Variants in MECOM observed in about 807,000 individuals in gnomAD.
MECOM encodes the protein histone-lysine N-methyltransferase MECOM.
In MECOM, 13 loss-of-function variants were observed where a neutral mutation model predicts 116.3. The ratio of observed to expected loss-of-function variants is 0.11; its 90% CI spans 0.07 to 0.18. The LOEUF (loss-of-function observed/expected upper bound fraction) is 0.18. MECOM is among the 10% of genes least tolerant of loss of function. MECOM has a pLI of 1.00. For missense variants in MECOM, 1,299 were observed against 1,509.0 expected (o/e 0.86, Z 2.31); for synonymous variants, 528 against 535.2 (o/e 0.99, Z 0.19).
chr3:169,528,804 C>A (rs913492595), intron 1 of MECOM, among the ~76,000 whole-genome samples: 1 of 152,162 alleles, frequency 6.6e-6, no homozygotes, highest in Non-Finnish European at 1.5e-5. Context: ...TAGAAACAAC[C>A]ACCCTGGAAA....
At chr3:169,444,967 AC>A (rs1744371432) in intron 1 of MECOM, among the ~76,000 whole-genome samples, 3 of 152,162 alleles carry the variant, frequency 2.0e-5, no homozygotes, top group Admixed American at 1.3e-4. Context: ...GGAACTTTGA[AC>A]TTGAGAGAGA....
At chr3:169,215,309 G>A (rs12489144) in intron 2 of MECOM, among the ~76,000 whole-genome samples, 50,336 of 147,892 alleles carry the variant, frequency 0.34, 9,305 homozygotes, top group Middle Eastern at 0.57. Context: ...GTGTAAAACC[G>A]ACCTTGGACA....
At chr3:169,197,339 T>TA (rs1024941887) in intron 2 of MECOM, among the ~76,000 whole-genome samples, 2 of 148,038 alleles carry the variant, frequency 1.4e-5, no homozygotes, top group Non-Finnish European at 3.0e-5. Context: ...AATAAATAAA[T>TA]AAATAAAATA....
chr3:169,566,257 C>A (rs949904279), intron 1 of MECOM, among the ~76,000 whole-genome samples: 2 of 152,098 alleles, frequency 1.3e-5, no homozygotes, highest in African/African-American at 4.8e-5. Flanking sequence ...AACCATATCA[C>A]CTGGGGAAGA....
chr3:169,502,919 C>T (rs1754707724), intron 1 of MECOM, among the ~76,000 whole-genome samples: 1 of 152,010 alleles, frequency 6.6e-6, no homozygotes, highest in African/African-American at 2.4e-5. Flanking sequence ...ACTAACTTTC[C>T]CAAATACTTC....
At chr3:169,108,343 T>C (rs1442916649) in intron 9 of MECOM, among the ~76,000 whole-genome samples, 5 of 152,194 alleles carry the variant, frequency 3.3e-5, no homozygotes, top group Non-Finnish European at 7.4e-5. Context: ...ATAATGTTAA[T>C]AACAAAGAAA....
rs1716994390 is a variant in MECOM, at chr3:169,084,295, CAATAT to C, written c.*609_*613del. On this transcript the variant is annotated 3_prime_UTR_variant, in exon 17 of 17. Transcript: ENST00000651503. Reference sequence around the variant, plus strand: ...TTTGAGTGTTAACATCCATAGTTTACAATATACACATACCCTTTTTCCCTAGTTTT... The same window carrying C: ...TTTGAGTGTTAACATCCATAGTTTACACACATACCCTTTTTCCCTAGTTTT... 4.3e-6 allele frequency: 1 copy of C among 230,738 alleles called. No individual in the cohort carries two copies. Among genetic ancestry groups the C allele is most frequent in the African/African-American group, 2.2e-5 (1 of 45,206 alleles). The allele number at this position is 230,738 out of a possible 1,614,324, so 14.3% of individuals were successfully genotyped here.
At chr3:169,190,921 C>A (rs1747438874) in intron 2 of MECOM, among the ~76,000 whole-genome samples, 1 of 151,870 alleles carries the variant, frequency 6.6e-6, no homozygotes, top group African/African-American at 2.4e-5. Context: ...GTGTATCTAC[C>A]CTTACTAGGT....
At chr3:169,659,731 A>C (rs1220721064) in intron 1 of MECOM, among the ~76,000 whole-genome samples, 1 of 152,066 alleles carries the variant, frequency 6.6e-6, no homozygotes, top group Non-Finnish European at 1.5e-5. Flanking sequence ...GGGCATACAG[A>C]GAGTAAATGC....
chr3:169,477,116 T>C (rs1404296297), intron 1 of MECOM: 6 of 35,296 alleles, frequency 1.7e-4, no homozygotes, highest in East Asian at 2.6e-3. Flanking sequence ...TATATATATA[T>C]ATATATATAT....
chr3:169,556,426 T>C (rs1185516078), intron 1 of MECOM, among the ~76,000 whole-genome samples: 2 of 152,182 alleles, frequency 1.3e-5, no homozygotes, highest in Non-Finnish European at 2.9e-5. Context: ...ACCAAATTTC[T>C]GTAATGAAAT....
chr3:169,296,905 G>A (rs1362812030), intron 2 of MECOM, among the ~76,000 whole-genome samples: 1 of 152,150 alleles, frequency 6.6e-6, no homozygotes, highest in Non-Finnish European at 1.5e-5. Flanking sequence ...GTAAACTATA[G>A]CTTAGAAAAA....
chr3:169,546,738 G>GA (rs147349420), intron 1 of MECOM, among the ~76,000 whole-genome samples: 3 of 151,492 alleles, frequency 2.0e-5, no homozygotes, highest in Admixed American at 6.6e-5. Context: ...AGAAAGGAAG[G>GA]AAAAAAAATA....
chr3:169,412,653 T>G (rs1461333396), intron 1 of MECOM, among the ~76,000 whole-genome samples: 1 of 152,158 alleles, frequency 6.6e-6, no homozygotes, highest in Non-Finnish European at 1.5e-5. Context: ...TTAAAAATAT[T>G]AATTATAATA....
At chr3:169,185,505 T>C (rs1258006013) in intron 2 of MECOM, among the ~76,000 whole-genome samples, 1 of 152,094 alleles carries the variant, frequency 6.6e-6, no homozygotes, top group Admixed American at 6.5e-5. Flanking sequence ...AAAAAGTGAA[T>C]GGAAATTGAG....
intron 1 of MECOM, among the ~76,000 whole-genome samples, chr3:169,568,733 T>C (rs1011200778): frequency 6.6e-6 from 1 of 152,130 alleles, no homozygotes; most frequent in South Asian, 2.1e-4. Context: ...GGGTTTATAG[T>C]TCAACTAAGC....
chr3:169,565,724 CT>C (rs1268996433), intron 1 of MECOM, among the ~76,000 whole-genome samples: 5 of 152,160 alleles, frequency 3.3e-5, no homozygotes, highest in Non-Finnish European at 7.3e-5. Context: ...GCTTGTGTTG[CT>C]TTCATAGATG....
intron 2 of MECOM, among the ~76,000 whole-genome samples, chr3:169,185,107 A>G (rs1171355366): frequency 1.3e-5 from 2 of 152,226 alleles, no homozygotes; most frequent in African/African-American, 4.8e-5. Flanking sequence ...AGGTGGAGAT[A>G]TTAAGCAAGA....
At chr3:169,653,248 A>G (rs11928083) in intron 1 of MECOM, among the ~76,000 whole-genome samples, 44,791 of 152,070 alleles carry the variant, frequency 0.29, 7,679 homozygotes, top group East Asian at 0.45. Flanking sequence ...AATCCACCAA[A>G]GCCCATTGCT....
Sources: gnomAD v4.1 joint callset for allele counts (sites outside exome capture counted in the v4.1 genomes callset) on GRCh38, gnomAD v4.1.1 for gene constraint, MANE v1.5 for transcripts, NCBI Gene and HGNC (gene_info 2026-07-23, HGNC 2026-07-21) for gene names.